Variants in DLGAP2 observed in about 807,000 individuals in gnomAD.
The protein encoded by DLGAP2 is DLG associated protein 2, also known as disks large-associated protein 2.
In DLGAP2, 26 loss-of-function variants were observed where a neutral mutation model predicts 100.3. The ratio of observed to expected loss-of-function variants is 0.26; its 90% CI spans 0.19 to 0.36. The LOEUF (loss-of-function observed/expected upper bound fraction) is 0.36, where lower values mean the gene tolerates loss of function less well. Among genes scored for constraint, DLGAP2 ranks in the 10% least tolerant of loss-of-function variants. The pLI, the probability that DLGAP2 is intolerant of heterozygous loss-of-function variation, is 1.00. For synonymous variants in DLGAP2, 886 were observed against 630.1 expected (o/e 1.41, Z -6.08); for missense variants, 1,858 against 1,453.2 (o/e 1.28, Z -4.53).
At chr8:1,166,148 C>T (rs1464639724) in intron 2 of DLGAP2, among the ~76,000 whole-genome samples, 4 of 152,170 alleles carry the variant, frequency 2.6e-5, no homozygotes, top group Non-Finnish European at 5.9e-5. Flanking sequence ...TGTCCTTCCC[C>T]GGCCTCTTTG....
chr8:1,279,054 G>C (rs1279479915), intron 3 of DLGAP2, among the ~76,000 whole-genome samples: 1 of 152,174 alleles, frequency 6.6e-6, no homozygotes, highest in Admixed American at 6.5e-5. Context: ...ACCCCAGGGG[G>C]TGTGCTTTAA....
chr8:815,591 C>T (rs767068903), intron 1 of DLGAP2, among the ~76,000 whole-genome samples: 23 of 152,138 alleles, frequency 1.5e-4, no homozygotes, highest in Non-Finnish European at 2.4e-4. Flanking sequence ...AGGATAACAG[C>T]AAAATCCTAA....
chr8:1,081,878 G>T (rs1036689800), intron 2 of DLGAP2, among the ~76,000 whole-genome samples: 3 of 152,138 alleles, frequency 2.0e-5, no homozygotes, highest in African/African-American at 7.2e-5. Flanking sequence ...GCAGCGAGTG[G>T]ATGCCGACGC....
At chr8:841,535 A>T (rs1796983796) in intron 1 of DLGAP2, among the ~76,000 whole-genome samples, 1 of 152,162 alleles carries the variant, frequency 6.6e-6, no homozygotes, top group South Asian at 2.1e-4. Context: ...CATGAAGGTC[A>T]TTGTTTCTAG....
At chr8:1,319,663 T>C (rs1800850217) in intron 3 of DLGAP2, among the ~76,000 whole-genome samples, 1 of 152,140 alleles carries the variant, frequency 6.6e-6, no homozygotes, top group Non-Finnish European at 1.5e-5. Context: ...GAGGGGCTCA[T>C]GTCAGTTAAG....
chr8:1,085,806 A>T (rs1163328331), intron 2 of DLGAP2, among the ~76,000 whole-genome samples: 2 of 152,186 alleles, frequency 1.3e-5, no homozygotes, highest in Non-Finnish European at 2.9e-5. Flanking sequence ...TCTACAAGGA[A>T]TGACATTGGT....
intron 3 of DLGAP2, among the ~76,000 whole-genome samples, chr8:1,428,818 T>G (rs1422075306): frequency 6.6e-6 from 1 of 152,212 alleles, no homozygotes; most frequent in Non-Finnish European, 1.5e-5. Context: ...GGGAGAGCCT[T>G]AAACAAAATC....
Position 1,564,535 on chromosome 8 carries a change from C to T in DLGAP2, c.1231-1148C>T, listed in dbSNP as rs368019589. Reference sequence around the variant, plus strand: ...ATATGTATGGGCTCTCAGCTCTGTGCAAGGCAGATATATAGCAAGTACATG... The same window carrying T: ...ATATGTATGGGCTCTCAGCTCTGTGTAAGGCAGATATATAGCAAGTACATG... On this transcript the variant is annotated intron_variant, in intron 5 of 14. Transcript: ENST00000637795. 6.2e-4 allele frequency among the ~76,000 whole-genome samples: 95 copies of T among 152,306 alleles called. 1 individual carries two copies. In the South Asian group the frequency reaches 0.019, roughly 30 times the overall value.
intron 5 of DLGAP2, among the ~76,000 whole-genome samples, chr8:1,563,632 G>C (rs546864759): frequency 6.6e-6 from 1 of 152,060 alleles, no homozygotes; most frequent in African/African-American, 2.4e-5. Flanking sequence ...GCTCCTGCTC[G>C]TCCAGGCTGG....
chr8:1,682,101 C>T (rs1798966021), intron 12 of DLGAP2, among the ~76,000 whole-genome samples: 1 of 152,230 alleles, frequency 6.6e-6, no homozygotes, highest in Non-Finnish European at 1.5e-5. Context: ...CCCATCCTTT[C>T]ACCTGCTGTT....
At chr8:1,321,384 CGT>C (rs1452093534) in intron 3 of DLGAP2, among the ~76,000 whole-genome samples, 3 of 149,528 alleles carry the variant, frequency 2.0e-5, no homozygotes, top group African/African-American at 7.4e-5. Context: ...CATGTGTATC[CGT>C]GTGTCTCTGC....
At chr8:964,955 C>T (rs1365872701) in intron 2 of DLGAP2, among the ~76,000 whole-genome samples, 1 of 152,088 alleles carries the variant, frequency 6.6e-6, no homozygotes, top group Non-Finnish European at 1.5e-5. Flanking sequence ...GCACACACGG[C>T]TCCTGAGCCC....
chr8:801,401 C>A (rs1796148750), intron 1 of DLGAP2, among the ~76,000 whole-genome samples: 1 of 152,044 alleles, frequency 6.6e-6, no homozygotes, highest in South Asian at 2.1e-4. Flanking sequence ...TGCATAAGGC[C>A]CCGTGGGCCC....
At chr8:998,049 A>C (rs1222137072) in intron 2 of DLGAP2, among the ~76,000 whole-genome samples, 5 of 151,830 alleles carry the variant, frequency 3.3e-5, no homozygotes, top group Non-Finnish European at 7.3e-5. Context: ...GCATACAGTC[A>C]TACACAGAAA....
At chr8:1,152,530 C>A (rs1167558655) in intron 2 of DLGAP2, among the ~76,000 whole-genome samples, 1 of 152,164 alleles carries the variant, frequency 6.6e-6, no homozygotes, top group Non-Finnish European at 1.5e-5. Flanking sequence ...CCCAAAGGCC[C>A]TTTTTTGTAT....
intron 6 of DLGAP2, among the ~76,000 whole-genome samples, chr8:1,609,309 GA>G (rs1796920941): frequency 7.2e-6 from 1 of 138,686 alleles, no homozygotes; most frequent in Non-Finnish European, 1.6e-5. Flanking sequence ...AAGTGAAGGA[GA>G]AATAAAATAC....
intron 4 of DLGAP2, among the ~76,000 whole-genome samples, chr8:1,510,336 C>G (rs951655970): frequency 1.3e-5 from 2 of 152,214 alleles, no homozygotes; most frequent in Non-Finnish European, 2.9e-5. Context: ...GGGACCTTGC[C>G]AGCCTCGTTG....
intron 3 of DLGAP2, among the ~76,000 whole-genome samples, chr8:1,480,865 T>TAA (rs370921329): frequency 7.4e-6 from 1 of 135,072 alleles, no homozygotes; most frequent in African/African-American, 2.7e-5. Context: ...AAACTCCATA[T>TAA]AAAAAAAAAA....
At chr8:1,217,616 C>A (rs1300311217) in intron 2 of DLGAP2, among the ~76,000 whole-genome samples, 1 of 152,092 alleles carries the variant, frequency 6.6e-6, no homozygotes, top group East Asian at 1.9e-4. Flanking sequence ...AGAGACCTTT[C>A]ACCTCCCTGG....
Sources: allele counts gnomAD v4.1 joint callset (sites outside exome capture counted in the v4.1 genomes callset), GRCh38; gene constraint gnomAD v4.1.1; transcripts MANE v1.5; gene names NCBI Gene and HGNC (gene_info 2026-07-23, HGNC 2026-07-21).